The following GABRG3 variants were observed in gnomAD, a reference collection of about 807,000 sequenced individuals.
GABRG3 encodes gamma-aminobutyric acid type A receptor subunit gamma3, also known as gamma-aminobutyric acid receptor subunit gamma-3.
GABRG3 carries 25 observed loss-of-function variants against 48.8 expected under a neutral mutation model. That is an observed-to-expected ratio of 0.51 (90% CI 0.37 to 0.72). The LOEUF (loss-of-function observed/expected upper bound fraction) is 0.72. Among genes scored for constraint, GABRG3 ranks in the 30% least tolerant of loss-of-function variants. The pLI, the probability that GABRG3 is intolerant of heterozygous loss-of-function variation, is 0.00. For synonymous variants in GABRG3, 227 were observed against 217.6 expected (o/e 1.04, Z -0.38); for missense variants, 394 against 577.9 (o/e 0.68, Z 3.26).
At chr15:27,283,375 G>A (rs992869344) in intron 3 of GABRG3, among the ~76,000 whole-genome samples, 19 of 152,126 alleles carry the variant, frequency 1.2e-4, no homozygotes, top group East Asian at 1.9e-4. Context: ...AGGCCGAGGC[G>A]GGTGGATCAC....
At chr15:27,406,305 C>T (rs1301047707) in intron 5 of GABRG3, among the ~76,000 whole-genome samples, 1 of 152,034 alleles carries the variant, frequency 6.6e-6, no homozygotes, top group African/African-American at 2.4e-5. Context: ...GGAGCTTAAC[C>T]CCACGCCATT....
chr15:27,358,912 AG>A (rs1347885369), intron 5 of GABRG3, among the ~76,000 whole-genome samples: 20 of 152,290 alleles, frequency 1.3e-4, no homozygotes, highest in Admixed American at 8.5e-4. Flanking sequence ...GGGCCCCGGC[AG>A]TGCAGAGGGC....
intron 3 of GABRG3, among the ~76,000 whole-genome samples, chr15:27,051,397 A>T (rs1896453368): frequency 6.6e-6 from 1 of 152,220 alleles, no homozygotes; most frequent in Non-Finnish European, 1.5e-5. Flanking sequence ...ACACATTTTG[A>T]TGAATAGTAT....
chr15:27,527,753 A>G, intron 8 of GABRG3, 124 bp downstream of exon 8: 3 of 1,059,910 alleles, frequency 2.8e-6, no homozygotes. Context: ...CCAGTTCAAC[A>G]AGACTTTTCA....
chr15:27,465,513 T>A lies in GABRG3; in HGVS notation c.575-15137T>A, dbSNP rs148492489. ...TAAAAGATGAGTCAGTGGCCAACAT[T>A]TAAAAGTCAGGAGATTTTATACCGA... On this transcript the variant is annotated intron_variant, in intron 5 of 9. Coordinates refer to ENST00000615808, the MANE Select transcript of GABRG3 (RefSeq NM_033223.5). Among the ~76,000 whole-genome samples the A allele has an allele frequency of 3.5e-3, 527 of 152,296 alleles. 3 individuals carry two copies. The highest frequency in any genetic ancestry group is 0.012 in the African/African-American group (505 of 41,570).
chr15:27,210,815 C>T (rs914472772), intron 3 of GABRG3, among the ~76,000 whole-genome samples: 9 of 152,090 alleles, frequency 5.9e-5, no homozygotes, highest in Non-Finnish European at 1.3e-4. Context: ...AGTGGGCTGG[C>T]GCTGTGTGAG....
At chr15:27,521,175 G>A (rs1225301515) in intron 7 of GABRG3, among the ~76,000 whole-genome samples, 1 of 152,110 alleles carries the variant, frequency 6.6e-6, no homozygotes, top group Non-Finnish European at 1.5e-5. Flanking sequence ...AAATCCTACA[G>A]AGAATAGTTG....
chr15:27,358,573 G>A (rs1285063564), intron 5 of GABRG3, among the ~76,000 whole-genome samples: 1 of 152,068 alleles, frequency 6.6e-6, no homozygotes, highest in African/African-American at 2.4e-5. Context: ...TCACCTAGCA[G>A]GTCTGATGGA....
At chr15:27,095,729 G>C (rs957611807) in intron 3 of GABRG3, among the ~76,000 whole-genome samples, 3 of 152,094 alleles carry the variant, frequency 2.0e-5, no homozygotes, top group Non-Finnish European at 2.9e-5. Flanking sequence ...GCAGTGAGAG[G>C]CTGGGACTTT....
At chr15:27,086,968 G>A (rs1047066215) in intron 3 of GABRG3, among the ~76,000 whole-genome samples, 4 of 152,230 alleles carry the variant, frequency 2.6e-5, no homozygotes, top group South Asian at 2.1e-4. Flanking sequence ...CCAGACTTCC[G>A]TTTCCAGAAA....
chr15:27,003,510 C>A (rs1895501120), intron 2 of GABRG3, among the ~76,000 whole-genome samples: 1 of 152,068 alleles, frequency 6.6e-6, no homozygotes, highest in Non-Finnish European at 1.5e-5. Flanking sequence ...GTGGACACAG[C>A]ACATGTTTCA....
chr15:27,445,163 A>G (rs1888907378), intron 5 of GABRG3, among the ~76,000 whole-genome samples: 1 of 152,184 alleles, frequency 6.6e-6, no homozygotes, highest in Non-Finnish European at 1.5e-5. Flanking sequence ...GTGAGCCACC[A>G]TGCCCAGTCA....
chr15:27,421,073 T>A (rs1012651603), intron 5 of GABRG3, among the ~76,000 whole-genome samples: 1 of 152,178 alleles, frequency 6.6e-6, no homozygotes, highest in Non-Finnish European at 1.5e-5. Context: ...GAGTCCCTCG[T>A]GAAGGGCACA....
At chr15:27,135,607 G>A (rs879582691) in intron 3 of GABRG3, among the ~76,000 whole-genome samples, 2 of 152,124 alleles carry the variant, frequency 1.3e-5, no homozygotes, top group African/African-American at 2.4e-5. Flanking sequence ...TCTTGTGAGA[G>A]TTAAAGGAGA....
chr15:27,037,703 G>T (rs193046041), intron 3 of GABRG3, among the ~76,000 whole-genome samples: 1 of 152,154 alleles, frequency 6.6e-6, no homozygotes, highest in Admixed American at 6.5e-5. Context: ...TGGCAGTTAC[G>T]CAAGAGACTT....
intron 6 of GABRG3, among the ~76,000 whole-genome samples, chr15:27,515,889 C>T (rs1328042792): frequency 6.6e-6 from 1 of 152,128 alleles, no homozygotes; most frequent in Non-Finnish European, 1.5e-5. Context: ...CTTTAGAGCT[C>T]ATACATTAGA....
At chr15:27,123,645 T>C (rs1290659794) in intron 3 of GABRG3, among the ~76,000 whole-genome samples, 3 of 152,024 alleles carry the variant, frequency 2.0e-5, no homozygotes, top group Non-Finnish European at 1.5e-5. Flanking sequence ...CATCGGAAAA[T>C]GATGGGTGCG....
At chr15:27,052,616 A>G (rs1281183611) in intron 3 of GABRG3, among the ~76,000 whole-genome samples, 4 of 152,196 alleles carry the variant, frequency 2.6e-5, no homozygotes, top group African/African-American at 9.7e-5. Context: ...AAAATAAATG[A>G]GCAAGAAGAT....
At chr15:27,166,457 G>A (rs1338507455) in intron 3 of GABRG3, among the ~76,000 whole-genome samples, 2 of 152,040 alleles carry the variant, frequency 1.3e-5, no homozygotes, top group African/African-American at 4.8e-5. Context: ...AGGTGTTTCT[G>A]TCTTCTTCTT....
Sources: allele counts gnomAD v4.1 joint callset (sites outside exome capture counted in the v4.1 genomes callset), GRCh38; gene constraint gnomAD v4.1.1; transcripts MANE v1.5; gene names NCBI Gene and HGNC (gene_info 2026-07-23, HGNC 2026-07-21).